Variants in SEC23B observed in about 807,000 individuals in gnomAD.
SEC23B encodes the protein SEC23 homolog B, COPII component, also known as protein transport protein Sec23B.
In SEC23B, 77 loss-of-function variants were observed where a neutral mutation model predicts 104.3. That is an observed-to-expected ratio of 0.74 (90% confidence interval 0.61 to 0.89). SEC23B has a LOEUF of 0.89. Ranked by LOEUF, SEC23B falls within the 40% of genes least tolerant of loss-of-function variation. The pLI is 0.00. For missense variants in SEC23B, 885 were observed against 949.4 expected (o/e 0.93, Z 0.89); for synonymous variants, 338 against 332.5 (o/e 1.02, Z -0.18).
chr20:18,548,752 C>T lies in SEC23B; in HGVS notation c.1887C>T (p.Ser629=). 1 of 1,614,174 alleles carries T rather than the reference C, an allele frequency of 6.2e-7. No individual in the cohort carries two copies. Among genetic ancestry groups the T allele is most frequent in the East Asian group, 2.2e-5 (1 of 44,882 alleles). ...IMIQPILYSY[S]FHGPPEPVLL... ...TCCAGCCCATTCTCTACTCTTACTCCTTTCATGGGCCACCAGAGGTGAGGC... is the reference window on the plus strand; with the variant it reads ...TCCAGCCCATTCTCTACTCTTACTCTTTTCATGGGCCACCAGAGGTGAGGC... Residue 629 remains serine (S), a synonymous_variant, in exon 16 of 20, where the codon TCC becomes TCT. Transcript: ENST00000650089.
intron 2 of SEC23B, 52 bp from the exon 3 acceptor site, chr20:18,512,173 T>G (rs1166313242): frequency 8.7e-7 from 1 of 1,149,234 alleles, no homozygotes; most frequent in African/African-American, 1.6e-5. Context: ...AATAAAAATT[T>G]TATTTTAAAA....
intron 11 of SEC23B, among the ~76,000 whole-genome samples, chr20:18,534,616 T>A (rs2060212033): frequency 6.6e-6 from 1 of 152,240 alleles, no homozygotes; most frequent in Non-Finnish European, 1.5e-5. Context: ...GCAGGCAATC[T>A]TTTGAATGAG....
At chr20:18,526,081 C>T (rs1031303467) in intron 7 of SEC23B, 149 bp downstream of exon 7, 8 of 1,019,890 alleles carry the variant, frequency 7.8e-6, no homozygotes, top group Admixed American at 6.3e-5. Flanking sequence ...TTATCATTCA[C>T]GTTGAGGGAG....
At position 18,521,970 on chromosome 20, in the gene SEC23B, C is replaced by T. The variant is rs1455474267; in HGVS notation, c.367-2463C>T. ...TTTTCTGGCCATTTAGAATCATTGTCGAGTTTGTACTGGGGCCAAGTGGTG... is the reference window on the plus strand; with the variant it reads ...TTTTCTGGCCATTTAGAATCATTGTTGAGTTTGTACTGGGGCCAAGTGGTG... On this transcript the variant is annotated intron_variant, in intron 4 of 19. Coordinates refer to ENST00000650089, the MANE Select transcript of SEC23B (RefSeq NM_006363.6). Among the ~76,000 whole-genome samples, 7 of 152,056 alleles carry T rather than the reference C, an allele frequency of 4.6e-5. No individual in the cohort carries two copies. The South Asian group carries it at 8.3e-4, about 18-fold the overall frequency.
At chr20:18,552,804 ACT>A (rs1409633701) in intron 17 of SEC23B, among the ~76,000 whole-genome samples, 1 of 152,106 alleles carries the variant, frequency 6.6e-6, no homozygotes, top group African/African-American at 2.4e-5. Context: ...ACAGAGTGAG[ACT>A]CTGTCTCAAA....
Position 18,525,006 on chromosome 20 carries a change from T to C in SEC23B, c.675T>C (p.Pro225=), listed in dbSNP as rs770017484. ...QARPAQPQEH[P]FASSRFLQPV... ...GACCTGCACAACCACAGGAGCACCC[T>C]TTTGCTTCAAGCAGGTGAGAGCCCA... is the stretch of plus-strand genomic sequence containing the variant. The change falls in exon 6 of 20, where the codon CCT becomes CCC. Residue 225 remains proline (P), a synonymous_variant. Transcript: ENST00000650089. The C allele has an allele frequency of 1.9e-6, 3 of 1,614,086 alleles. No homozygotes were observed. The South Asian group carries it at 3.3e-5, about 18-fold the overall frequency.
chr20:18,508,955 A>C (rs1365069261), intron 1 of SEC23B, among the ~76,000 whole-genome samples: 1 of 152,116 alleles, frequency 6.6e-6, no homozygotes, highest in African/African-American at 2.4e-5. Flanking sequence ...TCCTGACCTC[A>C]GGTCATCCAC....
intron 4 of SEC23B, among the ~76,000 whole-genome samples, chr20:18,520,282 G>T (rs2060071017): frequency 6.6e-6 from 1 of 152,218 alleles, no homozygotes; most frequent in Non-Finnish European, 1.5e-5. Context: ...AAAAGGCCAT[G>T]CTATAACAAG....
In SEC23B at chr20:18,551,171, G is replaced by GT. The variant is rs762302707; in HGVS notation, c.1989dup (p.Glu664Ter). On this transcript the variant is annotated frameshift_variant, in exon 17 of 20. Transcript: ENST00000650089. LOFTEE classifies it high-confidence loss of function. ...TTCTTTCAAATTGTCATTTATCTTG[G>GT]TGAGGTAAGATGATATTATTAATTA... 9 of 1,540,418 alleles carry GT rather than the reference G, an allele frequency of 5.8e-6. No individual in the cohort carries two copies. Among genetic ancestry groups the GT allele is most frequent in the Non-Finnish European group, 7.2e-6 (8 of 1,118,508 alleles).
In SEC23B at chr20:18,548,770, G is replaced by C. The variant is rs749038774; in HGVS notation, c.1905G>C (p.Glu635Asp). The change falls in exon 16 of 20, where the codon GAG becomes GAC. Residue 635 changes from glutamate to aspartate, a missense_variant and splice_region_variant. By Grantham distance (45) the Glu-to-Asp change is conservative. Transcript: ENST00000650089. ...CTTACTCCTTTCATGGGCCACCAGA[G>C]GTGAGGCTCTACCCAAATGCTTTCC... Reference protein sequence around the residue: ...LYSYSFHGPPEPVLLDSSSIL... With the variant: ...LYSYSFHGPPDPVLLDSSSIL... 2.8e-5 allele frequency: 45 copies of C among 1,613,856 alleles called. No homozygotes were observed. The highest frequency in any genetic ancestry group is 5.9e-6 in the Non-Finnish European group (7 of 1,179,940).
rs767683935 is a variant in SEC23B, at chr20:18,532,729, G to A, written c.1299G>A (p.Pro433=). 17 of 1,612,948 alleles carry A rather than the reference G, an allele frequency of 1.1e-5. No homozygotes were observed. The highest frequency in any genetic ancestry group is 2.2e-5 in the East Asian group (1 of 44,904). The part of the protein sequence containing the change: ...GPCVSLNVKG[P]CVSENELGVG... ...GCGTATCTCTGAATGTGAAAGGACC[G>A]TGTGTGTCAGAAAATGTAAGGAAAA... Residue 433 remains proline (P), a synonymous_variant, in exon 11 of 20, where the codon CCG becomes CCA. Transcript: ENST00000650089.
At position 18,551,070 on chromosome 20, in the gene SEC23B, TCTCTC is replaced by T. The variant is rs2060383019; in HGVS notation, c.1906-18_1906-14del. On this transcript the variant is annotated splice_polypyrimidine_tract_variant and intron_variant, in intron 16 of 19. Transcript: ENST00000650089. ...GAGCAGGGAAGACCAATGCCATCTT[TCTCTC>T]TCTTTTTCTTCAGCCAGTACTCTTG... 1 of 1,553,780 alleles carries T rather than the reference TCTCTC, an allele frequency of 6.4e-7. No individual in the cohort carries two copies. The highest frequency in any genetic ancestry group is 1.4e-5 in the African/African-American group (1 of 73,812).
At chr20:18,538,760 G>T (rs555663879) in intron 12 of SEC23B, among the ~76,000 whole-genome samples, 1 of 152,160 alleles carries the variant, frequency 6.6e-6, no homozygotes, top group African/African-American at 2.4e-5. Context: ...CATTTCAACA[G>T]TGTCACAGCA....
At chr20:18,521,806 G>A (rs1201676574) in intron 4 of SEC23B, among the ~76,000 whole-genome samples, 2 of 152,154 alleles carry the variant, frequency 1.3e-5, no homozygotes, top group Non-Finnish European at 2.9e-5. Flanking sequence ...AAAGATTTGG[G>A]ACGAGTCGCA....
chr20:18,557,580 T>C (rs148854303), intron 19 of SEC23B, among the ~76,000 whole-genome samples: 14 of 152,312 alleles, frequency 9.2e-5, no homozygotes, highest in African/African-American at 3.4e-4. Flanking sequence ...TTCCTCTGCA[T>C]ACATTTAGTA....
chr20:18,548,889 A>G, intron 16 of SEC23B, 119 bp downstream of exon 16: 1 of 915,576 alleles, frequency 1.1e-6, no homozygotes, highest in Non-Finnish European at 1.7e-6. Flanking sequence ...TTTTATAGTA[A>G]TTTAACATTA....
At position 18,518,582 on chromosome 20, in the gene SEC23B, G is replaced by GTTTTTTTTTT. The variant is rs57231166; in HGVS notation, c.366+2860_366+2869dup. 2.6e-3 allele frequency among the ~76,000 whole-genome samples: 238 copies of GTTTTTTTTTT among 92,644 alleles called. 20 individuals are homozygous for GTTTTTTTTTT. Among genetic ancestry groups the GTTTTTTTTTT allele is most frequent in the African/African-American group, 8.0e-3 (189 of 23,692 alleles). 60.8% of individuals were successfully genotyped at this position (92,644 alleles called of 152,430 possible). A position where few individuals can be genotyped will look rare whatever the true frequency, so the allele number is the denominator to read the frequency against. On this transcript the variant is annotated intron_variant, in intron 4 of 19. Coordinates refer to ENST00000650089, the MANE Select transcript of SEC23B (RefSeq NM_006363.6). The stretch of plus-strand genomic sequence containing the variant: ...AATGGGCCTGTGAGGCTGGAAGGAG[G>GTTTTTTTTTT]TTTTTTTTTTTTTTTTTTTTTTTGT...
At chr20:18,508,059 G>C in intron 1 of SEC23B, 87 bp downstream of exon 1, 1 of 152,722 alleles carries the variant, frequency 6.5e-6, no homozygotes, top group Non-Finnish European at 1.5e-5. Context: ...GGCGAGGTGA[G>C]CGGCTTCTGG....
At chr20:18,520,005 T>C (rs1327976958) in intron 4 of SEC23B, among the ~76,000 whole-genome samples, 1 of 152,180 alleles carries the variant, frequency 6.6e-6, no homozygotes, top group Non-Finnish European at 1.5e-5. Flanking sequence ...CTGAGCCTGA[T>C]GGGTGTCAGG....
Sources: gnomAD v4.1 joint callset for allele counts (sites outside exome capture counted in the v4.1 genomes callset) on GRCh38, gnomAD v4.1.1 for gene constraint, MANE v1.5 for transcripts, NCBI Gene and HGNC (gene_info 2026-07-23, HGNC 2026-07-21) for gene names.